ITPK1: variants seen among roughly 807,000 people sequenced by gnomAD.
ITPK1 encodes inositol-tetrakisphosphate 1-kinase.
A neutral mutation model predicts 45.3 loss-of-function variants in ITPK1; 21 were observed. The ratio of observed to expected loss-of-function variants is 0.46; its 90% confidence interval spans 0.33 to 0.67. The LOEUF (loss-of-function observed/expected upper bound fraction) is 0.67, where lower values mean the gene tolerates loss of function less well. Ranked by LOEUF, ITPK1 falls within the 30% of genes least tolerant of loss-of-function variation. The pLI is 0.02. For synonymous variants in ITPK1, 258 were observed against 253.6 expected, an observed-to-expected ratio of 1.02 and a Z score of -0.16; for missense variants, 474 against 573.5, an observed-to-expected ratio of 0.83 and a Z score of 1.77.
chr14:92,979,386 G>A (rs564906519), intron 5 of ITPK1, among the ~76,000 whole-genome samples: 40 of 152,322 alleles, frequency 2.6e-4, no homozygotes, highest in African/African-American at 9.6e-4. Flanking sequence ...TAAGACTTTG[G>A]GGGGCTGTTG....
rs150233518 is a variant in ITPK1 at position 93,019,452 on chromosome 14, G to A, written c.121-2651C>T. 3.5e-4 allele frequency among the ~76,000 whole-genome samples: 54 copies of A among 152,304 alleles called. No individual in the cohort carries two copies. In the East Asian group the frequency reaches 7.3e-3, roughly 21 times the overall value. Reference sequence around the variant, plus strand: ...AGGTAAACAGCTGAGCTCTGGAAACGGGCCACCCTCCTTTGTGTATTTTCC... The same window carrying A: ...AGGTAAACAGCTGAGCTCTGGAAACAGGCCACCCTCCTTTGTGTATTTTCC... On this transcript the variant is annotated intron_variant, in intron 3 of 10. Coordinates refer to ENST00000267615, the MANE Select transcript of ITPK1 (RefSeq NM_014216.6).
chr14:92,998,188 T>G (rs1372272693), intron 4 of ITPK1, among the ~76,000 whole-genome samples: 3 of 152,178 alleles, frequency 2.0e-5, no homozygotes, highest in Non-Finnish European at 4.4e-5. Context: ...ATCATGGAGA[T>G]CATGGATGCA....
chr14:93,115,454 A>AGCGCC (rs1892911494), intron 1 of ITPK1, 149 bp from the exon 2 acceptor site: 2 of 148,148 alleles, frequency 1.3e-5, no homozygotes, highest in Admixed American at 6.7e-5. Flanking sequence ...CCGGCTCGCG[A>AGCGCC]GCGCCGCGCC....
chr14:92,968,072 G>C (rs886483485), intron 5 of ITPK1, among the ~76,000 whole-genome samples: 2 of 152,200 alleles, frequency 1.3e-5, no homozygotes, highest in African/African-American at 4.8e-5. Flanking sequence ...GCTCACAACT[G>C]TAATCCCAGC....
intron 5 of ITPK1, among the ~76,000 whole-genome samples, chr14:92,981,343 GGCATGGGGCTCTCTCCC>G (rs1886219133): frequency 6.6e-6 from 1 of 152,134 alleles, no homozygotes; most frequent in South Asian, 2.1e-4. Flanking sequence ...TCTGGGCCTC[GGCATGGGGCTCTCTCCC>G]GCAGCACCAA....
intron 5 of ITPK1, 122 bp downstream of exon 5, chr14:92,993,758 G>C: frequency 6.0e-6 from 4 of 671,904 alleles, no homozygotes; most frequent in Non-Finnish European, 1.1e-5. Context: ...GAATTCAAAT[G>C]CTTCCTGCCC....
At chr14:93,095,532 C>A (rs1337801518) in intron 2 of ITPK1, among the ~76,000 whole-genome samples, 1 of 137,742 alleles carries the variant, frequency 7.3e-6, no homozygotes, top group African/African-American at 3.0e-5. Flanking sequence ...TTATCAGCAC[C>A]ACCCAAAGCT....
chr14:92,999,268 G>A (rs772357669), intron 4 of ITPK1, among the ~76,000 whole-genome samples: 7 of 152,200 alleles, frequency 4.6e-5, no homozygotes, highest in East Asian at 1.9e-4. Context: ...CCGTATTTGC[G>A]GGTCCCCCAC....
rs998241119 is a variant in ITPK1, at chr14:92,952,902, G to A, written c.671-889C>T. Among the ~76,000 whole-genome samples, 7 of 152,264 alleles carry A rather than the reference G, an allele frequency of 4.6e-5. No homozygotes were observed. The East Asian group carries it at 1.2e-3, about 25-fold the overall frequency. ...ATTGCAGAACCATGAGCCTCAGGCC[G>A]AGTTCTGGAAAAGGCTGTCTGTCAC... On this transcript the variant is annotated intron_variant, in intron 8 of 10. Transcript: ENST00000267615.
intron 4 of ITPK1, among the ~76,000 whole-genome samples, chr14:93,011,552 T>TAGATGATTACACACTGAGAGGAGCC (rs1887910026): frequency 6.6e-6 from 1 of 152,202 alleles, no homozygotes; most frequent in Admixed American, 6.5e-5. Flanking sequence ...AGATCCACTT[T>TAGATGATTACACACTGAGAGGAGCC]AGATGATTAC....
At chr14:92,996,850 G>A (rs960950148) in intron 4 of ITPK1, among the ~76,000 whole-genome samples, 48 of 152,258 alleles carry the variant, frequency 3.2e-4, no homozygotes, top group Middle Eastern at 3.4e-3. Flanking sequence ...GCCCGATGTC[G>A]TCACCTCTCA....
chr14:93,050,305 G>A (rs772953272), intron 3 of ITPK1, among the ~76,000 whole-genome samples: 11 of 152,254 alleles, frequency 7.2e-5, no homozygotes, highest in African/African-American at 1.4e-4. Context: ...TCCAATTCCC[G>A]TGTGTGGGGT....
rs1297545349 is a variant in ITPK1 at position 92,941,794 on chromosome 14, G to A, written c.1012C>T (p.His338Tyr). 2.5e-6 allele frequency: 4 copies of A among 1,610,924 alleles called. No individual in the cohort carries two copies. Among genetic ancestry groups the A allele is most frequent in the South Asian group, 1.1e-5 (1 of 90,754 alleles). Residue 338 changes from histidine to tyrosine, a missense_variant, in exon 11 of 11, where the codon CAC (histidine) becomes TAC (tyrosine). This residue lies in a region of ITPK1 where 367 missense variants were observed against 480.6 expected (regional missense o/e 0.76). Coordinates refer to ENST00000267615, the MANE Select transcript of ITPK1 (RefSeq NM_014216.6). ...GCCGGCTCGGCCAGAAGCTTGCTGT[G>A]CCTCAGCAGGGCCACGTCCCCTGTG... The part of the protein sequence containing the change: ...AATGDVALLR[H>Y]SKLLAEPAGG...
In ITPK1 at chr14:92,940,977, G is replaced by A; in HGVS notation, c.*584C>T. ...AGACCCCAGCGCGGAACTCCCCTGA[G>A]GGGTCTGTGGCCTCCTCTGGCTGTG... On this transcript the variant is annotated 3_prime_UTR_variant, in exon 11 of 11. Coordinates refer to ENST00000267615, the MANE Select transcript of ITPK1 (RefSeq NM_014216.6). 1.6e-6 allele frequency: 2 copies of A among 1,282,094 alleles called. No homozygotes were observed. Among genetic ancestry groups the A allele is most frequent in the South Asian group, 1.2e-5 (1 of 80,216 alleles). The allele number at this position is 1,282,094 out of a possible 1,614,324, so 79.4% of individuals were successfully genotyped here.
Position 93,036,255 on chromosome 14 carries a change from C to G in ITPK1, c.121-19454G>C, listed in dbSNP as rs572234821. ...GAAGGGCCGCTCCTATAGCAACCAGCCCTGCCCCAGGAGGTCCACATGGTG... is the reference window on the plus strand; with the variant it reads ...GAAGGGCCGCTCCTATAGCAACCAGGCCTGCCCCAGGAGGTCCACATGGTG... On this transcript the variant is annotated intron_variant, in intron 3 of 10. Transcript: ENST00000267615. The surrounding 1 kb of genome is among the most constrained non-coding windows in gnomAD (Gnocchi z 4.1). Among the ~76,000 whole-genome samples the G allele has an allele frequency of 3.3e-5, 5 of 152,308 alleles. No individual in the cohort carries two copies. The highest frequency in any genetic ancestry group is 1.2e-4 in the African/African-American group (5 of 41,554).
At chr14:92,969,409 C>T (rs1056644562) in intron 5 of ITPK1, among the ~76,000 whole-genome samples, 1 of 152,070 alleles carries the variant, frequency 6.6e-6, no homozygotes, top group Non-Finnish European at 1.5e-5. Context: ...GAGGCGCCAA[C>T]GAGGCACAGG....
At chr14:93,062,552 G>A (rs1238030815) in intron 3 of ITPK1, among the ~76,000 whole-genome samples, 1 of 151,970 alleles carries the variant, frequency 6.6e-6, no homozygotes, top group Admixed American at 6.5e-5. Context: ...GTTATCCTTC[G>A]GCTAGGGAGT....
At chr14:92,960,561 A>G (rs1885015724) in intron 7 of ITPK1, among the ~76,000 whole-genome samples, 1 of 152,204 alleles carries the variant, frequency 6.6e-6, no homozygotes, top group African/African-American at 2.4e-5. Context: ...GGTCTCTGGG[A>G]TTCCACAGCC....
chr14:92,939,599 G>A lies in ITPK1; in HGVS notation c.*1962C>T, dbSNP rs58410105. 5.5e-3 allele frequency: 1,855 copies of A among 337,740 alleles called. 36 individuals carry two copies. Among genetic ancestry groups the A allele is most frequent in the African/African-American group, 0.042 (1,730 of 40,834 alleles). 20.9% of individuals were successfully genotyped at this position (337,740 alleles called of 1,614,324 possible). A position where few individuals can be genotyped will look rare whatever the true frequency, so the allele number is the denominator to read the frequency against. On this transcript the variant is annotated 3_prime_UTR_variant, in exon 11 of 11. Coordinates refer to ENST00000267615, the MANE Select transcript of ITPK1 (RefSeq NM_014216.6). The stretch of plus-strand genomic sequence containing the variant: ...CCTGCACACCCACAGCCCCGCCCCC[G>A]CCCCACCACGGAGGCCTATGGACGC...
Sources: gnomAD v4.1 joint callset for allele counts (sites outside exome capture counted in the v4.1 genomes callset) on GRCh38, gnomAD v4.1.1 for gene constraint, gnomAD v4.1.1 regional missense constraint, Gnocchi (gnomAD v3.1) non-coding constraint, MANE v1.5 for transcripts, NCBI Gene and HGNC (gene_info 2026-07-23, HGNC 2026-07-21) for gene names.